The following TAOK3 variants were observed in gnomAD, a reference collection of about 807,000 sequenced individuals.
TAOK3 encodes TAO kinase 3.
In TAOK3, 40 loss-of-function variants were observed where a neutral mutation model predicts 120.4. The observed-to-expected ratio is 0.33, with a 90% CI of 0.26 to 0.43. TAOK3 has a LOEUF of 0.43. Ranked by LOEUF, TAOK3 falls within the 20% of genes least tolerant of loss-of-function variation. TAOK3 has a pLI of 1.00. For synonymous variants in TAOK3, 355 were observed against 387.5 expected, an observed-to-expected ratio of 0.92 and a Z score of 0.99; for missense variants, 821 against 1,112.1, an observed-to-expected ratio of 0.74 and a Z score of 3.72.
At chr12:118,355,764 C>G (rs1270067163) in intron 1 of TAOK3, among the ~76,000 whole-genome samples, 1 of 152,250 alleles carries the variant, frequency 6.6e-6, no homozygotes, top group African/African-American at 2.4e-5. Context: ...TTCTTGCACA[C>G]TGAGCTCTTC....
intron 1 of TAOK3, among the ~76,000 whole-genome samples, chr12:118,352,430 G>A (rs1160582536): frequency 2.0e-5 from 3 of 151,442 alleles, no homozygotes; most frequent in Non-Finnish European, 4.4e-5. Context: ...GCTTGAACCT[G>A]GGAGGCAGAG....
At chr12:118,322,179 G>T (rs552372103) in intron 1 of TAOK3, among the ~76,000 whole-genome samples, 1 of 151,928 alleles carries the variant, frequency 6.6e-6, no homozygotes, top group African/African-American at 2.4e-5. Context: ...GCTGGGTGTG[G>T]TGGCCCATGT....
intron 1 of TAOK3, among the ~76,000 whole-genome samples, chr12:118,286,772 T>C (rs2042282387): frequency 1.3e-5 from 2 of 152,192 alleles, no homozygotes; most frequent in South Asian, 4.1e-4. Flanking sequence ...TGCACATGCA[T>C]GTTTATAGCA....
chr12:118,363,018 C>CAAAAAAAAA (rs60475060), intron 1 of TAOK3, among the ~76,000 whole-genome samples: 242 of 45,834 alleles, frequency 5.3e-3, no homozygotes, highest in Non-Finnish European at 5.6e-3. Flanking sequence ...GACTCCGTAT[C>CAAAAAAAAA]AAAAAAAAAA....
intron 19 of TAOK3, among the ~76,000 whole-genome samples, chr12:118,158,426 C>T (rs565935153): frequency 7.9e-5 from 12 of 152,294 alleles, no homozygotes; most frequent in Admixed American, 2.6e-4. Context: ...ACCCACAAAA[C>T]GCAGACACCA....
intron 15 of TAOK3, 80 bp from the exon 16 acceptor site, chr12:118,177,409 A>C: frequency 7.9e-7 from 1 of 1,264,886 alleles, no homozygotes; most frequent in South Asian, 1.3e-5. Context: ...CAGTGCAGTA[A>C]GACAGTCCAT....
chr12:118,231,230 G>A (rs942747747), intron 9 of TAOK3, among the ~76,000 whole-genome samples: 3 of 152,146 alleles, frequency 2.0e-5, no homozygotes, highest in African/African-American at 4.8e-5. Context: ...GTTGGCAGGG[G>A]TGGTGTAGGA....
intron 1 of TAOK3, among the ~76,000 whole-genome samples, chr12:118,369,472 C>CT (rs1389191833): frequency 1.3e-5 from 2 of 152,108 alleles, no homozygotes; most frequent in Admixed American, 1.3e-4. Context: ...TATCAGAGCA[C>CT]TTTCTTTTCT....
At chr12:118,279,911 G>A (rs1452782798) in intron 1 of TAOK3, among the ~76,000 whole-genome samples, 5 of 150,978 alleles carry the variant, frequency 3.3e-5, no homozygotes, top group African/African-American at 9.7e-5. Flanking sequence ...GATTATAGGC[G>A]CCCGCCACCA....
intron 2 of TAOK3, among the ~76,000 whole-genome samples, chr12:118,257,142 G>T (rs1283954084): frequency 6.6e-6 from 1 of 152,188 alleles, no homozygotes; most frequent in Non-Finnish European, 1.5e-5. Flanking sequence ...CAGAAAGCCA[G>T]TATTTGTCAG....
chr12:118,243,644 G>T (rs2040350900), intron 4 of TAOK3, 128 bp from the exon 5 acceptor site: 1 of 455,854 alleles, frequency 2.2e-6, no homozygotes, highest in Non-Finnish European at 3.8e-6. Context: ...AATAAATGAA[G>T]AAGCTATTTA....
At chr12:118,246,211 G>A in intron 3 of TAOK3, 2 of 1,448,880 alleles carry the variant, frequency 1.4e-6, no homozygotes, top group Non-Finnish European at 1.9e-6. Flanking sequence ...CGTGGACGGG[G>A]CCGGGGCCGA....
intron 15 of TAOK3, among the ~76,000 whole-genome samples, chr12:118,177,604 A>T (rs1400422572): frequency 6.6e-6 from 1 of 151,972 alleles, no homozygotes; most frequent in African/African-American, 2.4e-5. Flanking sequence ...CAGGCAGATC[A>T]CCTGAGGTCG....
intron 11 of TAOK3, 70 bp downstream of exon 11, chr12:118,212,844 A>C (rs1565955170): frequency 1.8e-6 from 2 of 1,090,212 alleles, no homozygotes; most frequent in Non-Finnish European, 2.7e-6. Flanking sequence ...CTGCCACAGG[A>C]ATGATTTATT....
rs1555221438 is a variant in TAOK3 at position 118,205,928 on chromosome 12, C to CTCT, written c.820-4466_820-4465insAGA. Among the ~76,000 whole-genome samples, 49 of 142,332 alleles carry CTCT rather than the reference C, an allele frequency of 3.4e-4. 1 individual carries two copies. The highest frequency in any genetic ancestry group is 3.6e-3 in the Middle Eastern group (1 of 274). The allele number at this position is 142,332 out of a possible 152,430, so 93.4% of individuals were successfully genotyped here. On this transcript the variant is annotated intron_variant, in intron 11 of 20. Coordinates refer to ENST00000392533, the MANE Select transcript of TAOK3 (RefSeq NM_016281.4). ...TTTCAGACCCAATCTCTCTCTCTCT[C>CTCT]TTTTTTTTTTTTTTGCCTTACTTGA...
Position 118,269,398 on chromosome 12 carries a change from TTTTTTTTTGA to T in TAOK3, c.-193-2649_-193-2640del, listed in dbSNP as rs1458804085. Among the ~76,000 whole-genome samples the T allele has an allele frequency of 4.1e-5, 6 of 146,772 alleles. No individual in the cohort carries two copies. The South Asian group carries it at 1.3e-3, about 33-fold the overall frequency. On this transcript the variant is annotated intron_variant, in intron 1 of 20. Transcript: ENST00000392533. ...TCTCTCTCTTCTTTTTTTTTTTTTT[TTTTTTTTTGA>T]GACTCAGGCTGGAGTGCAGTGATGC... is the stretch of plus-strand genomic sequence containing the variant.
chr12:118,159,537 G>A (rs1397460975), intron 19 of TAOK3, among the ~76,000 whole-genome samples: 2 of 152,112 alleles, frequency 1.3e-5, no homozygotes, highest in African/African-American at 2.4e-5. Context: ...TCCTGACCTT[G>A]TGATCCACCT....
At chr12:118,171,597 T>G (rs2036000053) in intron 17 of TAOK3, among the ~76,000 whole-genome samples, 2 of 152,226 alleles carry the variant, frequency 1.3e-5, no homozygotes, top group African/African-American at 4.8e-5. Flanking sequence ...CCTCAAGTGA[T>G]CCTTCTGCCT....
At chr12:118,300,752 CTTTT>C (rs1043256650) in intron 1 of TAOK3, among the ~76,000 whole-genome samples, 3 of 151,716 alleles carry the variant, frequency 2.0e-5, no homozygotes, top group African/African-American at 4.8e-5. Context: ...TAGGACCTTC[CTTTT>C]TGATTTTTTT....
Sources: gnomAD v4.1 joint callset for allele counts (sites outside exome capture counted in the v4.1 genomes callset) on GRCh38, gnomAD v4.1.1 for gene constraint, MANE v1.5 for transcripts, NCBI Gene and HGNC (gene_info 2026-07-23, HGNC 2026-07-21) for gene names.